The following NKAIN2 variants were observed in gnomAD, a reference collection of about 807,000 sequenced individuals.
The protein encoded by NKAIN2 is sodium/potassium transporting ATPase interacting 2, also known as sodium/potassium-transporting ATPase subunit beta-1-interacting protein 2.
A neutral mutation model predicts 32.6 loss-of-function variants in NKAIN2; 14 were observed. The ratio of observed to expected loss-of-function variants is 0.43; its 90% CI spans 0.28 to 0.67. NKAIN2 has a LOEUF of 0.67. Among genes scored for constraint, NKAIN2 ranks in the 30% least tolerant of loss-of-function variants. The pLI, the probability that NKAIN2 is intolerant of heterozygous loss-of-function variation, is 0.17. For missense variants in NKAIN2, 198 were observed against 258.3 expected (o/e 0.77, Z 1.60); for synonymous variants, 80 against 87.2 (o/e 0.92, Z 0.46).
intron 2 of NKAIN2, among the ~76,000 whole-genome samples, chr6:124,347,994 G>C (rs1798518925): frequency 6.6e-6 from 1 of 152,150 alleles, no homozygotes; most frequent in African/African-American, 2.4e-5. Flanking sequence ...TGATGATGGT[G>C]ATGTACAGAT....
chr6:124,485,606 G>T (rs927361987), intron 3 of NKAIN2, among the ~76,000 whole-genome samples: 21 of 151,970 alleles, frequency 1.4e-4, no homozygotes, highest in Non-Finnish European at 2.1e-4. Flanking sequence ...AAGTTTTACA[G>T]CCCCTACTGA....
intron 1 of NKAIN2, among the ~76,000 whole-genome samples, chr6:123,900,532 GTTTTTTTTTTTTTTTTTTTTTTT>G (rs34370743): frequency 0.013 from 416 of 32,794 alleles, 14 homozygotes; most frequent in Non-Finnish European, 0.036. Flanking sequence ...CTCCAGATTA[GTTTTTTTTTTTTTTTTTTTTTTT>G]TTTTTTTTTT....
intron 1 of NKAIN2, among the ~76,000 whole-genome samples, chr6:124,005,313 CTT>C (rs1780034570): frequency 6.6e-6 from 1 of 152,146 alleles, no homozygotes; most frequent in Non-Finnish European, 1.5e-5. Flanking sequence ...TTCTTCCCTA[CTT>C]TTTTGTTAAT....
At chr6:124,698,846 T>A (rs560059934) in intron 4 of NKAIN2, among the ~76,000 whole-genome samples, 30 of 152,332 alleles carry the variant, frequency 2.0e-4, no homozygotes, top group Non-Finnish European at 4.1e-4. Flanking sequence ...GGTCATCATA[T>A]TCATTTATGC....
At chr6:124,672,006 A>G (rs1327687152) in intron 4 of NKAIN2, among the ~76,000 whole-genome samples, 1 of 151,982 alleles carries the variant, frequency 6.6e-6, no homozygotes, top group Non-Finnish European at 1.5e-5. Flanking sequence ...CAATGAGCCC[A>G]TTTTAAAAAA....
At chr6:124,346,887 C>T (rs1462536243) in intron 2 of NKAIN2, among the ~76,000 whole-genome samples, 1 of 151,734 alleles carries the variant, frequency 6.6e-6, no homozygotes, top group Admixed American at 6.6e-5. Flanking sequence ...ATGATGTTAG[C>T]TGGTGATTTT....
At chr6:124,285,246 C>T (rs1276784801) in intron 2 of NKAIN2, among the ~76,000 whole-genome samples, 1 of 152,096 alleles carries the variant, frequency 6.6e-6, no homozygotes, top group African/African-American at 2.4e-5. Flanking sequence ...TTTTCCAACT[C>T]AGCAAGTCCT....
intron 3 of NKAIN2, among the ~76,000 whole-genome samples, chr6:124,547,234 G>A (rs768678789): frequency 2.6e-5 from 4 of 152,088 alleles, no homozygotes; most frequent in Non-Finnish European, 5.9e-5. Flanking sequence ...TGTCTAAAAT[G>A]CATTTGCACA....
chr6:124,735,413 ATTACT>A (rs995166690), intron 4 of NKAIN2, among the ~76,000 whole-genome samples: 5 of 152,116 alleles, frequency 3.3e-5, no homozygotes, highest in African/African-American at 9.6e-5. Context: ...GCACAGAATA[ATTACT>A]TTATAAATTT....
intron 3 of NKAIN2, among the ~76,000 whole-genome samples, chr6:124,417,903 G>A (rs1001099522): frequency 2.6e-5 from 4 of 152,004 alleles, no homozygotes; most frequent in African/African-American, 9.7e-5. Flanking sequence ...TCTTTTTTAT[G>A]GTGAAATATA....
chr6:124,202,293 T>G (rs991826097), intron 1 of NKAIN2, among the ~76,000 whole-genome samples: 10 of 151,956 alleles, frequency 6.6e-5, no homozygotes, highest in Admixed American at 5.9e-4. Context: ...TGCTGTGAAG[T>G]TTTCCCTTCT....
intron 4 of NKAIN2, among the ~76,000 whole-genome samples, chr6:124,724,520 CA>C (rs1776181097): frequency 6.6e-6 from 1 of 152,186 alleles, no homozygotes; most frequent in Non-Finnish European, 1.5e-5. Flanking sequence ...TGTTCTAGTT[CA>C]GTCCACTGCA....
intron 4 of NKAIN2, among the ~76,000 whole-genome samples, chr6:124,732,731 TAC>T (rs1776745276): frequency 6.6e-6 from 1 of 152,028 alleles, no homozygotes; most frequent in South Asian, 2.1e-4. Flanking sequence ...GTGTAGAGTA[TAC>T]CCTCAATTTT....
At chr6:124,670,151 A>T (rs1031091043) in intron 4 of NKAIN2, among the ~76,000 whole-genome samples, 2 of 152,130 alleles carry the variant, frequency 1.3e-5, no homozygotes, top group African/African-American at 4.8e-5. Context: ...GAGAAATGTT[A>T]GTTACTTGAT....
intron 3 of NKAIN2, among the ~76,000 whole-genome samples, chr6:124,466,888 T>G (rs1776781528): frequency 6.6e-6 from 1 of 152,106 alleles, no homozygotes; most frequent in African/African-American, 2.4e-5. Flanking sequence ...GTATGAAAGT[T>G]TTAACTTTCT....
At chr6:124,292,542 T>C (rs1242165412) in intron 2 of NKAIN2, among the ~76,000 whole-genome samples, 2 of 151,492 alleles carry the variant, frequency 1.3e-5, no homozygotes, top group Non-Finnish European at 3.0e-5. Flanking sequence ...CAGATGACTT[T>C]TTTTTTTTTT....
chr6:124,101,169 A>C (rs1784871081), intron 1 of NKAIN2, among the ~76,000 whole-genome samples: 1 of 152,204 alleles, frequency 6.6e-6, no homozygotes, highest in Non-Finnish European at 1.5e-5. Flanking sequence ...AGATCAGTTT[A>C]AAGTTGGCAT....
At chr6:124,720,967 T>C (rs900556755) in intron 4 of NKAIN2, among the ~76,000 whole-genome samples, 5 of 152,210 alleles carry the variant, frequency 3.3e-5, no homozygotes, top group Admixed American at 6.5e-5. Flanking sequence ...ATAGAATCAA[T>C]GTGATAACCC....
intron 1 of NKAIN2, among the ~76,000 whole-genome samples, chr6:124,153,194 A>C (rs991292041): frequency 6.6e-6 from 1 of 151,894 alleles, no homozygotes; most frequent in Non-Finnish European, 1.5e-5. Flanking sequence ...GGTGATGGAT[A>C]TTCCGATTAC....
Sources: allele counts gnomAD v4.1 joint callset (sites outside exome capture counted in the v4.1 genomes callset), GRCh38; gene constraint gnomAD v4.1.1; transcripts MANE v1.5; gene names NCBI Gene and HGNC (gene_info 2026-07-23, HGNC 2026-07-21).